EML6: variants seen among roughly 807,000 people sequenced by gnomAD.
EML6 encodes echinoderm microtubule-associated protein-like 6.
EML6 carries 154 observed loss-of-function variants against 240.1 expected under a neutral mutation model. That is an observed-to-expected ratio of 0.64 (90% CI 0.56 to 0.73). EML6 has a LOEUF of 0.73. EML6 is among the 30% of genes least tolerant of loss of function. The pLI is 0.00. For missense variants in EML6, 2,964 were observed against 2,474.6 expected, an observed-to-expected ratio of 1.20 and a Z score of -4.20; for synonymous variants, 1,148 against 899.0, an observed-to-expected ratio of 1.28 and a Z score of -4.95.
intron 2 of EML6, among the ~76,000 whole-genome samples, chr2:54,797,190 C>CAAAAAAAAAAAAAAAAAAAAAAA (rs1553380399): frequency 1.5e-5 from 1 of 67,752 alleles, no homozygotes; most frequent in South Asian, 5.2e-4. Context: ...AAAAAAAAAA[C>CAAAAAAAAAAAAAAAAAAAAAAA]TGTGATCTTG....
At chr2:54,800,113 C>A (rs572903561) in intron 2 of EML6, among the ~76,000 whole-genome samples, 1 of 152,262 alleles carries the variant, frequency 6.6e-6, no homozygotes, top group Admixed American at 6.5e-5. Context: ...GGTGTGGTGG[C>A]ACACGCCTGT....
At chr2:54,930,953 CT>C (rs34403438) in intron 28 of EML6, among the ~76,000 whole-genome samples, 122 of 104,626 alleles carry the variant, frequency 1.2e-3, no homozygotes, top group South Asian at 2.5e-3. Context: ...CCGTAGGCAT[CT>C]TTTTTTTTTT....
intron 22 of EML6, among the ~76,000 whole-genome samples, chr2:54,901,811 G>C (rs1432478366): frequency 6.6e-6 from 1 of 152,220 alleles, no homozygotes; most frequent in African/African-American, 2.4e-5. Flanking sequence ...TATCCCTGGG[G>C]TGTGCTTACA....
chr2:54,907,930 AGATAGATAGATAGATAAGAT>A (rs1359048999), intron 24 of EML6, among the ~76,000 whole-genome samples: 1,528 of 62,886 alleles, frequency 0.024, 10 homozygotes, highest in East Asian at 0.051. Context: ...ATAGATAGAT[AGATAGATAGATAGATAAGAT>A]AGATAGATAG....
At chr2:54,850,885 G>A (rs1670042492) in intron 10 of EML6, among the ~76,000 whole-genome samples, 1 of 152,174 alleles carries the variant, frequency 6.6e-6, no homozygotes, top group South Asian at 2.1e-4. Context: ...TTAAACTAGA[G>A]CTACTTGCAT....
intron 2 of EML6, among the ~76,000 whole-genome samples, chr2:54,762,280 G>A (rs746011614): frequency 3.3e-5 from 5 of 151,966 alleles, no homozygotes; most frequent in Admixed American, 6.6e-5. Context: ...TGCATGTTTG[G>A]CTGGAGTACC....
intron 12 of EML6, among the ~76,000 whole-genome samples, chr2:54,861,981 T>G (rs1275668651): frequency 6.6e-6 from 1 of 152,078 alleles, no homozygotes; most frequent in South Asian, 2.1e-4. Flanking sequence ...AATTGAGAAC[T>G]TTAGAGATAG....
chr2:54,841,883 G>A (rs1669478291), intron 7 of EML6, among the ~76,000 whole-genome samples: 1 of 151,812 alleles, frequency 6.6e-6, no homozygotes, highest in African/African-American at 2.4e-5. Context: ...ATGAGCCACC[G>A]TGCCTTGCCA....
At chr2:54,746,752 C>A (rs570424127) in intron 2 of EML6, among the ~76,000 whole-genome samples, 126 of 152,276 alleles carry the variant, frequency 8.3e-4, no homozygotes, top group African/African-American at 2.8e-3. Flanking sequence ...TCATCTAATT[C>A]TCCTTTGAAT....
chr2:54,756,495 T>A (rs1460594711), intron 2 of EML6, among the ~76,000 whole-genome samples: 3 of 152,242 alleles, frequency 2.0e-5, no homozygotes, highest in Non-Finnish European at 4.4e-5. Context: ...GTTTTGGTCC[T>A]GATTTTATAT....
At chr2:54,931,379 A>G (rs1016364173) in intron 28 of EML6, among the ~76,000 whole-genome samples, 18 of 152,300 alleles carry the variant, frequency 1.2e-4, no homozygotes, top group African/African-American at 4.1e-4. Context: ...GTTAAACAGC[A>G]TATCTTAGTC....
In EML6 at chr2:54,844,018, T is replaced by C. The variant is rs1451331358; in HGVS notation, c.848-29T>C. ...TGTGTGTGTGTGAATAGTGTGAAGA[T>C]TTGCTTTTGTTTTACTTATTTTTGT... is the stretch of plus-strand genomic sequence containing the variant. On this transcript the variant is annotated intron_variant, in intron 7 of 41. Transcript: ENST00000356458. 17 of 1,394,076 alleles carry C rather than the reference T, an allele frequency of 1.2e-5. No homozygotes were observed. In the East Asian group the frequency reaches 4.1e-4, roughly 34 times the overall value. 86.4% of individuals were successfully genotyped at this position (1,394,076 alleles called of 1,614,324 possible).
intron 17 of EML6, chr2:54,882,871 A>AG (rs1553406074): frequency 7.8e-6 from 1 of 128,790 alleles, no homozygotes; most frequent in African/African-American, 3.0e-5. Context: ...AAAAAAAAAA[A>AG]AAAGAAAGCT....
At chr2:54,907,007 C>T (rs1448251558) in intron 24 of EML6, among the ~76,000 whole-genome samples, 1 of 152,166 alleles carries the variant, frequency 6.6e-6, no homozygotes, top group Non-Finnish European at 1.5e-5. Context: ...CCTCAGCAGC[C>T]TCTTGTGCCC....
At chr2:54,731,071 A>G (rs1027834981) in intron 2 of EML6, among the ~76,000 whole-genome samples, 1 of 152,216 alleles carries the variant, frequency 6.6e-6, no homozygotes, top group African/African-American at 2.4e-5. Flanking sequence ...GATGGCATTT[A>G]AGCAGAAACC....
At chr2:54,775,055 A>C (rs1308415537) in intron 2 of EML6, among the ~76,000 whole-genome samples, 2 of 152,370 alleles carry the variant, frequency 1.3e-5, no homozygotes, top group East Asian at 3.9e-4. Context: ...CTTCCTACCC[A>C]GTGTGAGCCA....
chr2:54,896,882 T>C (rs1236684439), intron 21 of EML6, among the ~76,000 whole-genome samples: 1 of 152,198 alleles, frequency 6.6e-6, no homozygotes, highest in African/African-American at 2.4e-5. Context: ...TCTGTGTTTT[T>C]AAAAGAAAAA....
intron 10 of EML6, among the ~76,000 whole-genome samples, 160 bp from the exon 11 acceptor site, chr2:54,853,483 A>G (rs1573005964): frequency 6.6e-6 from 1 of 152,034 alleles, no homozygotes; most frequent in African/African-American, 2.4e-5. Context: ...GGCTTTCTTT[A>G]AGCCACGCAA....
intron 38 of EML6, chr2:54,966,744 G>A (rs1483686959): frequency 2.0e-5 from 5 of 247,154 alleles, no homozygotes; most frequent in East Asian, 1.6e-4. Flanking sequence ...GTTGCTGGTC[G>A]GGAACCACAC....
Sources: allele counts gnomAD v4.1 joint callset (sites outside exome capture counted in the v4.1 genomes callset), GRCh38; gene constraint gnomAD v4.1.1; transcripts MANE v1.5; gene names NCBI Gene and HGNC (gene_info 2026-07-23, HGNC 2026-07-21).